Variants in ANGPTL5 observed in about 807,000 individuals in gnomAD.
The protein encoded by ANGPTL5 is angiopoietin like 5.
ANGPTL5 carries 34 observed loss-of-function variants against 39.4 expected under a neutral mutation model. The observed-to-expected ratio is 0.86, with a 90% confidence interval of 0.66 to 1.15. The LOEUF is 1.15. Ranked by LOEUF, ANGPTL5 falls within the 50% of genes most tolerant of loss-of-function variation. The probability of loss-of-function intolerance (pLI) is 0.00; values close to 1 mark genes in which losing one functional copy is unlikely to be tolerated. For missense variants in ANGPTL5, 467 were observed against 457.5 expected (o/e 1.02, Z -0.19); for synonymous variants, 146 against 152.1 (o/e 0.96, Z 0.29).
chr11:101,910,424 A>AAAAAAAAAATAT (rs1469724609), intron 1 of ANGPTL5, among the ~76,000 whole-genome samples: 2 of 127,218 alleles, frequency 1.6e-5, no homozygotes, highest in African/African-American at 6.1e-5. Flanking sequence ...AAAAAAAAAA[A>AAAAAAAAAATAT]ATATATATAT....
chr11:101,893,898 G>A (rs1939747051), intron 8 of ANGPTL5, among the ~76,000 whole-genome samples: 1 of 151,980 alleles, frequency 6.6e-6, no homozygotes, highest in Non-Finnish European at 1.5e-5. Context: ...GCCTTCATTT[G>A]CTAAAAGCCT....
intron 1 of ANGPTL5, among the ~76,000 whole-genome samples, chr11:101,912,472 C>G (rs1940105836): frequency 6.6e-6 from 1 of 152,016 alleles, no homozygotes; most frequent in Non-Finnish European, 1.5e-5. Flanking sequence ...TGTTCAGAGC[C>G]CCTTGGGCCC....
At position 101,902,717 on chromosome 11, in the gene ANGPTL5, T is replaced by C; in HGVS notation, c.444A>G (p.Leu148=). 6.2e-7 allele frequency: 1 copy of C among 1,605,844 alleles called. No homozygotes were observed. Among genetic ancestry groups the C allele is most frequent in the Non-Finnish European group, 8.5e-7 (1 of 1,173,988 alleles). ...TGGTATCCTTAATATCAGTGCAATC[T>C]AAACCTAGAAAAGCAAAATTATTTA... The part of the protein sequence containing the change: ...FPHRPVQSHG[L]DCTDIKDTIG... Residue 148 remains leucine (L), a synonymous_variant, in exon 6 of 9, where the codon TTA becomes TTG. Transcript: ENST00000334289.
At chr11:101,905,976 A>G (rs1939991950) in intron 3 of ANGPTL5, 129 bp from the exon 4 acceptor site, 1 of 638,894 alleles carries the variant, frequency 1.6e-6, no homozygotes, top group Non-Finnish European at 2.8e-6. Context: ...TTATCTTAAT[A>G]CTCAGAATTA....
chr11:101,904,707 G>A (rs1296787758), intron 5 of ANGPTL5, 107 bp downstream of exon 5: 11 of 960,386 alleles, frequency 1.1e-5, no homozygotes, highest in Middle Eastern at 2.1e-4. Flanking sequence ...GTTAGAGAAC[G>A]GTGAGCTGTA....
chr11:101,907,584 C>A (rs78267648), intron 2 of ANGPTL5, among the ~76,000 whole-genome samples: 5,759 of 152,012 alleles, frequency 0.038, 363 homozygotes, highest in African/African-American at 0.13. Context: ...TTAATCTAGG[C>A]CTGAAATGTC....
chr11:101,899,583 G>A (rs1939858964), intron 7 of ANGPTL5, among the ~76,000 whole-genome samples: 1 of 152,168 alleles, frequency 6.6e-6, no homozygotes, highest in Admixed American at 6.5e-5. Context: ...GCACTCAATG[G>A]AAAAATCAGA....
chr11:101,909,564 G>A (rs1940055784), intron 1 of ANGPTL5, among the ~76,000 whole-genome samples: 1 of 152,182 alleles, frequency 6.6e-6, no homozygotes, highest in African/African-American at 2.4e-5. Context: ...GAAAATGGCA[G>A]AACTTCAGCA....
intron 8 of ANGPTL5, among the ~76,000 whole-genome samples, chr11:101,892,255 G>A (rs545357118): frequency 2.7e-5 from 4 of 150,734 alleles, no homozygotes; most frequent in South Asian, 2.2e-4. Flanking sequence ...TTAAGACAGA[G>A]TTTTGCTCTT....
intron 1 of ANGPTL5, chr11:101,914,999 T>A: frequency 2.7e-6 from 1 of 371,816 alleles, no homozygotes; most frequent in East Asian, 4.2e-5. Flanking sequence ...CAGGTTTCCG[T>A]TGTCAAGGAC....
At chr11:101,899,136 T>C (rs538574978) in intron 7 of ANGPTL5, among the ~76,000 whole-genome samples, 22 of 152,350 alleles carry the variant, frequency 1.4e-4, no homozygotes, top group African/African-American at 5.3e-4. Flanking sequence ...CAGGTTTTGG[T>C]ATCAGGATGA....
At chr11:101,914,998 G>A (rs917381800) in intron 1 of ANGPTL5, 3 of 370,026 alleles carry the variant, frequency 8.1e-6, no homozygotes, top group African/African-American at 2.1e-5. Context: ...CCAGGTTTCC[G>A]TTGTCAAGGA....
At chr11:101,904,774 A>G in intron 5 of ANGPTL5, 40 bp downstream of exon 5, 2 of 1,552,064 alleles carry the variant, frequency 1.3e-6, no homozygotes, top group South Asian at 1.1e-5. Context: ...TTAAGCAATA[A>G]AAGACAAACA....
intron 1 of ANGPTL5, among the ~76,000 whole-genome samples, chr11:101,908,780 C>CAAAAAAAAAAAAAAAAAAAAAAAAAAA (rs59041644): frequency 1.5e-5 from 1 of 64,958 alleles, no homozygotes; most frequent in African/African-American, 4.9e-5. Context: ...GACTCCATCT[C>CAAAAAAAAAAAAAAAAAAAAAAAAAAA]AAAAAAAAAA....
At chr11:101,896,236 G>A (rs559516230) in intron 7 of ANGPTL5, among the ~76,000 whole-genome samples, 10 of 151,624 alleles carry the variant, frequency 6.6e-5, no homozygotes, top group African/African-American at 2.4e-4. Flanking sequence ...AGGCTACGGT[G>A]CAGTAGTGCG....
At position 101,907,942 on chromosome 11, in the gene ANGPTL5, A is replaced by C. The variant is rs1451217767; in HGVS notation, c.-33T>G. The C allele has an allele frequency of 2.8e-6, 4 of 1,411,430 alleles. No homozygotes were observed. The highest frequency in any genetic ancestry group is 4.0e-6 in the Non-Finnish European group (4 of 998,438). The allele number at this position is 1,411,430 out of a possible 1,614,324, so 87.4% of individuals were successfully genotyped here. A position where few individuals can be genotyped will look rare whatever the true frequency, so the allele number is the denominator to read the frequency against. On this transcript the variant is annotated 5_prime_UTR_variant, in exon 2 of 9. It adds an upstream start codon to the 5' untranslated region. Transcript: ENST00000334289. ...TTGGATAGATGAAAACACTTCTTCA[A>C]ATATCAGTCAGCTCTTTGTGGAAAG...
chr11:101,895,381 C>T (rs570258274), intron 7 of ANGPTL5, among the ~76,000 whole-genome samples: 2 of 152,156 alleles, frequency 1.3e-5, no homozygotes, highest in South Asian at 4.1e-4. Flanking sequence ...AATTAGTCTT[C>T]ATTTAAAGAA....
intron 7 of ANGPTL5, among the ~76,000 whole-genome samples, chr11:101,899,199 G>T (rs1939850485): frequency 6.6e-6 from 1 of 152,152 alleles, no homozygotes; most frequent in African/African-American, 2.4e-5. Flanking sequence ...CCTACTGGTT[G>T]GAATAGTTTC....
chr11:101,907,918 T>C lies in ANGPTL5; in HGVS notation c.-9A>G, dbSNP rs1329064532. On this transcript the variant is annotated 5_prime_UTR_variant, in exon 2 of 9. Coordinates refer to ENST00000334289, the MANE Select transcript of ANGPTL5 (RefSeq NM_178127.5). Reference sequence around the variant, plus strand: ...TGGGATGGAGACATCATATTTTTCTTGGATAGATGAAAACACTTCTTCAAA... The same window carrying C: ...TGGGATGGAGACATCATATTTTTCTCGGATAGATGAAAACACTTCTTCAAA... 3 of 1,560,962 alleles carry C rather than the reference T, an allele frequency of 1.9e-6. No individual in the cohort carries two copies. Among genetic ancestry groups the C allele is most frequent in the Non-Finnish European group, 2.6e-6 (3 of 1,132,334 alleles).
Sources: gnomAD v4.1 joint callset for allele counts (sites outside exome capture counted in the v4.1 genomes callset) on GRCh38, gnomAD v4.1.1 for gene constraint, MANE v1.5 for transcripts, NCBI Gene and HGNC (gene_info 2026-07-23, HGNC 2026-07-21) for gene names.